SPIDR: variants seen among roughly 807,000 people sequenced by gnomAD.
The protein encoded by SPIDR is scaffold protein involved in DNA repair.
In SPIDR, 93 loss-of-function variants were observed where a neutral mutation model predicts 104.6. The observed-to-expected ratio is 0.89, with a 90% CI of 0.75 to 1.06. SPIDR has a LOEUF of 1.06. Ranked by LOEUF, SPIDR falls within the 50% of genes least tolerant of loss-of-function variation. The pLI, the probability that SPIDR is intolerant of heterozygous loss-of-function variation, is 0.00. For missense variants in SPIDR, 1,154 were observed against 1,111.2 expected (o/e 1.04, Z -0.55); for synonymous variants, 431 against 416.9 (o/e 1.03, Z -0.41).
At chr8:47,340,669 G>A (rs1042217859) in intron 5 of SPIDR, among the ~76,000 whole-genome samples, 27 of 152,148 alleles carry the variant, frequency 1.8e-4, no homozygotes, top group Non-Finnish European at 2.2e-4. Flanking sequence ...GCGTAATTAG[G>A]TGGAGATCTC....
At chr8:47,460,715 G>A (rs1335131215) in intron 8 of SPIDR, among the ~76,000 whole-genome samples, 1 of 152,058 alleles carries the variant, frequency 6.6e-6, no homozygotes, top group African/African-American at 2.4e-5. Context: ...GTATACCTTG[G>A]TGGCTTTTTT....
chr8:47,459,668 G>T (rs980652528), intron 8 of SPIDR, among the ~76,000 whole-genome samples: 1 of 151,848 alleles, frequency 6.6e-6, no homozygotes, highest in Non-Finnish European at 1.5e-5. Flanking sequence ...TCTTCTGCTG[G>T]TTTGGGTTTG....
chr8:47,387,220 AG>A (rs1169153177), intron 5 of SPIDR, among the ~76,000 whole-genome samples: 1 of 152,208 alleles, frequency 6.6e-6, no homozygotes, highest in East Asian at 1.9e-4. Context: ...GGGAGCAGCG[AG>A]GAGGCAGACA....
chr8:47,356,558 G>A (rs1057020750), intron 5 of SPIDR, among the ~76,000 whole-genome samples: 1 of 152,196 alleles, frequency 6.6e-6, no homozygotes, highest in Non-Finnish European at 1.5e-5. Context: ...TTGGTCATTT[G>A]AAAACCTATT....
intron 8 of SPIDR, among the ~76,000 whole-genome samples, chr8:47,465,369 G>A (rs2074599744): frequency 6.6e-6 from 1 of 152,036 alleles, no homozygotes. Flanking sequence ...ATATCAATAC[G>A]AACCTTGAAT....
Position 47,280,019 on chromosome 8 carries a change from T to C in SPIDR, c.189+2T>C. 6.2e-7 allele frequency: 1 copy of C among 1,613,082 alleles called. No individual in the cohort carries two copies. The highest frequency in any genetic ancestry group is 8.5e-7 in the Non-Finnish European group (1 of 1,179,604). On this transcript the variant is annotated splice_donor_variant, in intron 2 of 19. Coordinates refer to ENST00000297423, the MANE Select transcript of SPIDR (RefSeq NM_001080394.4). LOFTEE classifies it high-confidence loss of function. ...TTTCAGAACACTTCTGGGAATCCGG[T>C]AAAGTATCTGTAGAATTGTTTTCCC...
chr8:47,532,068 T>C (rs1420435662), intron 8 of SPIDR, among the ~76,000 whole-genome samples: 3 of 139,968 alleles, frequency 2.1e-5, no homozygotes, highest in African/African-American at 7.8e-5. Context: ...AGAGTGGATT[T>C]TTTTTTTTTT....
chr8:47,444,075 A>T (rs1384383604), intron 8 of SPIDR, among the ~76,000 whole-genome samples: 1 of 152,260 alleles, frequency 6.6e-6, no homozygotes, highest in African/African-American at 2.4e-5. Flanking sequence ...TAAAAATAAA[A>T]TAGTATAATG....
At position 47,595,964 on chromosome 8, in the gene SPIDR, G is replaced by A. The variant is rs1488375395; in HGVS notation, c.1251G>A (p.Met417Ile). Reference protein sequence around the residue: ...LPRRSISLAQMFVIKGLTNNS... With the variant: ...LPRRSISLAQIFVIKGLTNNS... ...GAAGAAGCATCTCTTTGGCCCAGAT[G>A]TTTGTAATTAAGGGTCTAACAAATA... The change falls in exon 9 of 20, where the codon ATG (methionine) becomes ATA (isoleucine). Residue 417 changes from methionine to isoleucine, a missense_variant. Physicochemically the swap from Met to Ile is conservative, Grantham distance 10. Coordinates refer to ENST00000297423, the MANE Select transcript of SPIDR (RefSeq NM_001080394.4). 6.2e-7 allele frequency: 1 copy of A among 1,613,820 alleles called. No homozygotes were observed. Among genetic ancestry groups the A allele is most frequent in the African/African-American group, 1.3e-5 (1 of 74,892 alleles).
At chr8:47,326,925 G>A (rs565450694) in intron 5 of SPIDR, among the ~76,000 whole-genome samples, 4 of 152,202 alleles carry the variant, frequency 2.6e-5, no homozygotes, top group South Asian at 4.2e-4. Context: ...TACACATTTC[G>A]GAGTACCTGT....
chr8:47,607,359 A>C (rs972807569), intron 10 of SPIDR, among the ~76,000 whole-genome samples: 3 of 152,102 alleles, frequency 2.0e-5, no homozygotes, highest in African/African-American at 4.8e-5. Context: ...TCAGCTGCCC[A>C]TCTATTCTTA....
chr8:47,295,345 A>G (rs936432702), intron 5 of SPIDR, among the ~76,000 whole-genome samples: 2 of 152,218 alleles, frequency 1.3e-5, no homozygotes, highest in Non-Finnish European at 2.9e-5. Context: ...AAAAAATTGT[A>G]AAATACAATG....
intron 14 of SPIDR, among the ~76,000 whole-genome samples, chr8:47,708,851 T>G (rs1486875817): frequency 1.3e-5 from 2 of 152,234 alleles, no homozygotes; most frequent in Non-Finnish European, 2.9e-5. Flanking sequence ...ATAGCTCGTT[T>G]CCTTTTGAGT....
chr8:47,402,465 TAAAGA>T (rs1324012709), intron 6 of SPIDR, among the ~76,000 whole-genome samples: 1 of 151,670 alleles, frequency 6.6e-6, no homozygotes, highest in African/African-American at 2.4e-5. Context: ...GCAGGACTAA[TAAAGA>T]AGAAAAGAGA....
intron 5 of SPIDR, among the ~76,000 whole-genome samples, chr8:47,334,438 C>A (rs192177630): frequency 6.6e-6 from 1 of 152,274 alleles, no homozygotes; most frequent in East Asian, 1.9e-4. Flanking sequence ...TGTTAACACT[C>A]TGTTGATAGG....
intron 10 of SPIDR, 77 bp downstream of exon 10, chr8:47,599,273 C>T (rs1388333837): frequency 3.2e-6 from 5 of 1,555,230 alleles, no homozygotes. Context: ...GGAGCCTCTT[C>T]TCAGAGCACG....
At chr8:47,584,435 G>A (rs930390834) in intron 8 of SPIDR, among the ~76,000 whole-genome samples, 7 of 152,114 alleles carry the variant, frequency 4.6e-5, no homozygotes, top group Non-Finnish European at 8.8e-5. Flanking sequence ...TGTTTTAAGA[G>A]GCTTACTGTA....
intron 8 of SPIDR, among the ~76,000 whole-genome samples, chr8:47,489,329 ACCACTG>A (rs1158206431): frequency 6.6e-6 from 1 of 152,188 alleles, no homozygotes; most frequent in African/African-American, 2.4e-5. Context: ...AGAACTACAA[ACCACTG>A]CTCAATGAAA....
chr8:47,420,163 G>A (rs566280812), intron 7 of SPIDR, among the ~76,000 whole-genome samples: 6 of 152,130 alleles, frequency 3.9e-5, no homozygotes, highest in East Asian at 1.9e-4. Flanking sequence ...CAATTCCTGG[G>A]TATCCTTGTT....
Sources: gnomAD v4.1 joint callset for allele counts (sites outside exome capture counted in the v4.1 genomes callset) on GRCh38, gnomAD v4.1.1 for gene constraint, MANE v1.5 for transcripts, NCBI Gene and HGNC (gene_info 2026-07-23, HGNC 2026-07-21) for gene names.